UNC5A: variants seen among roughly 807,000 people sequenced by gnomAD.
The protein encoded by UNC5A is netrin receptor UNC5A.
UNC5A carries 20 observed loss-of-function variants against 87.4 expected under a neutral mutation model. The observed-to-expected ratio is 0.23, with a 90% CI of 0.16 to 0.33. The LOEUF is 0.33. Ranked by LOEUF, UNC5A falls within the 10% of genes least tolerant of loss-of-function variation. The pLI is 1.00. For synonymous variants in UNC5A, 438 were observed against 482.3 expected, an observed-to-expected ratio of 0.91 and a Z score of 1.20; for missense variants, 844 against 1,133.4, an observed-to-expected ratio of 0.74 and a Z score of 3.67.
chr5:176,859,112 A>C (rs1757756398), intron 1 of UNC5A, among the ~76,000 whole-genome samples: 1 of 119,220 alleles, frequency 8.4e-6, no homozygotes, highest in Non-Finnish European at 1.8e-5. Flanking sequence ...TGTCCTTGCT[A>C]GAGGGCATGG....
intron 2 of UNC5A, among the ~76,000 whole-genome samples, chr5:176,863,554 AC>A (rs1757893278): frequency 6.6e-6 from 1 of 151,928 alleles, no homozygotes; most frequent in Non-Finnish European, 1.5e-5. Flanking sequence ...CAGCGAGCAG[AC>A]CCAGGAAGCA....
chr5:176,814,832 C>A (rs545002651), intron 1 of UNC5A, among the ~76,000 whole-genome samples: 2 of 152,334 alleles, frequency 1.3e-5, no homozygotes, highest in African/African-American at 4.8e-5. Context: ...AGTTTGGGCT[C>A]TCTTTGCAGG....
rs912200513 is a variant in UNC5A at position 176,879,333 on chromosome 5, G to A, written c.2208G>A (p.Leu736=). The A allele has an allele frequency of 1.2e-6, 2 of 1,608,252 alleles. No homozygotes were observed. Among genetic ancestry groups the A allele is most frequent in the African/African-American group, 1.3e-5 (1 of 74,678 alleles). ...ITKDTRFAEL[L]ALESEAGVPA... is the part of the protein sequence containing the mutation. Reference sequence around the variant, plus strand: ...AGGACACAAGGTTTGCTGAGCTGCTGGCTCTGGAGAGTGAAGCGGGGGTCC... The same window carrying A: ...AGGACACAAGGTTTGCTGAGCTGCTAGCTCTGGAGAGTGAAGCGGGGGTCC... Residue 736 remains leucine, a synonymous_variant, in exon 14 of 15, where the codon CTG becomes CTA. Transcript: ENST00000329542.
At chr5:176,863,807 CCCTCCTCCCCCTCCT>C (rs1270396799) in intron 2 of UNC5A, among the ~76,000 whole-genome samples, 1 of 6,664 alleles carries the variant, frequency 1.5e-4, no homozygotes, top group African/African-American at 3.9e-4. Context: ...TCCCTCCTTC[CCCTCCTCCCCCTCCT>C]CCTCCTCCCC....
At position 176,870,628 on chromosome 5, in the gene UNC5A, C is replaced by A. The variant is rs10072659; in HGVS notation, c.886+94C>A. On this transcript the variant is annotated intron_variant, in intron 6 of 14. Coordinates refer to ENST00000329542, the MANE Select transcript of UNC5A (RefSeq NM_133369.3). ...GGGGGCTGAGGGAGCTATTCTCCTGCCAAAGGCTGTAGCCTCTCCAGGCTC... is the reference window on the plus strand; with the variant it reads ...GGGGGCTGAGGGAGCTATTCTCCTGACAAAGGCTGTAGCCTCTCCAGGCTC... 9.0e-3 allele frequency: 12,473 copies of A among 1,383,974 alleles called. 906 individuals carry two copies. The African/African-American group carries it at 0.16, about 18-fold the overall frequency. 85.7% of individuals were successfully genotyped at this position (1,383,974 alleles called of 1,614,324 possible).
At chr5:176,847,061 C>G (rs964320822) in intron 1 of UNC5A, among the ~76,000 whole-genome samples, 1 of 152,148 alleles carries the variant, frequency 6.6e-6, no homozygotes, top group Non-Finnish European at 1.5e-5. Flanking sequence ...CCATCCCCCT[C>G]TCATTCCATT....
At chr5:176,822,637 A>T (rs1756754736) in intron 1 of UNC5A, among the ~76,000 whole-genome samples, 1 of 152,226 alleles carries the variant, frequency 6.6e-6, no homozygotes, top group Non-Finnish European at 1.5e-5. Context: ...GACAGGCCCA[A>T]CAAGGACAGC....
Position 176,865,409 on chromosome 5 carries a change from G to A in UNC5A, c.292+2564G>A, listed in dbSNP as rs533884176. Reference sequence around the variant, plus strand: ...GCAGGCCCGGGCCGGCACACACACCGGGAGCCCCTGGCCCACACTCCCCAG... The same window carrying A: ...GCAGGCCCGGGCCGGCACACACACCAGGAGCCCCTGGCCCACACTCCCCAG... On this transcript the variant is annotated intron_variant, in intron 2 of 14. Coordinates refer to ENST00000329542, the MANE Select transcript of UNC5A (RefSeq NM_133369.3). This position sits in a 1 kb window ranked among gnomAD's most constrained non-coding sequence, Gnocchi z 5.3. The A allele has an allele frequency of 1.3e-3, 473 of 353,368 alleles. No homozygotes were observed. The highest frequency in any genetic ancestry group is 7.7e-3 in the African/African-American group (360 of 46,578). 21.9% of individuals were successfully genotyped at this position (353,368 alleles called of 1,614,324 possible). A position where few individuals can be genotyped will look rare whatever the true frequency, so the allele number is the denominator to read the frequency against.
intron 13 of UNC5A, 49 bp from the exon 14 acceptor site, chr5:176,879,261 C>T (rs745421068): frequency 2.6e-5 from 40 of 1,524,116 alleles, no homozygotes; most frequent in East Asian, 1.4e-4. Flanking sequence ...GCGGTGGACC[C>T]GGGCCTGGGG....
chr5:176,815,096 C>T (rs1052990393), intron 1 of UNC5A, among the ~76,000 whole-genome samples: 2 of 152,166 alleles, frequency 1.3e-5, no homozygotes, highest in African/African-American at 2.4e-5. Context: ...GTTGTATGCC[C>T]ATGTCTGTTG....
rs752251487 is a variant in UNC5A at position 176,879,835 on chromosome 5, A to G, written c.2478A>G (p.Gly826=). The G allele has an allele frequency of 6.2e-7, 1 of 1,612,150 alleles. No individual in the cohort carries two copies. ...GCCAGCTGGCTGCAGCAGTGGCTGGACTGGGCCAGCCAGACGCTGGCCTCT... is the reference window on the plus strand; with the variant it reads ...GCCAGCTGGCTGCAGCAGTGGCTGGGCTGGGCCAGCCAGACGCTGGCCTCT... ...NLSQLAAAVA[G]LGQPDAGLFT... is the part of the protein sequence containing the mutation. Residue 826 remains glycine, a synonymous_variant, in exon 15 of 15, where the codon GGA becomes GGG. Coordinates refer to ENST00000329542, the MANE Select transcript of UNC5A (RefSeq NM_133369.3).
intron 1 of UNC5A, among the ~76,000 whole-genome samples, chr5:176,813,706 C>G (rs1756523647): frequency 6.6e-6 from 1 of 152,224 alleles, no homozygotes; most frequent in Admixed American, 6.5e-5. Context: ...TGGCCTCAGC[C>G]AAGGGCCAGA....
At chr5:176,855,638 G>A (rs1757649092) in intron 1 of UNC5A, among the ~76,000 whole-genome samples, 1 of 152,224 alleles carries the variant, frequency 6.6e-6, no homozygotes, top group Admixed American at 6.5e-5. Flanking sequence ...CCCTAGAGGC[G>A]AGGCCAGCAG....
In UNC5A at chr5:176,855,936, C is replaced by T. The variant is rs1054532581; in HGVS notation, c.71-6688C>T. On this transcript the variant is annotated intron_variant, in intron 1 of 14. Transcript: ENST00000329542. ...GGAAGGGGCTGCCACCCTGGCCCCTCGCTGTGTTCCTCAACCGCGCCGTGT... is the reference window on the plus strand; with the variant it reads ...GGAAGGGGCTGCCACCCTGGCCCCTTGCTGTGTTCCTCAACCGCGCCGTGT... Among the ~76,000 whole-genome samples, 185 of 152,162 alleles carry T rather than the reference C, an allele frequency of 1.2e-3. 2 individuals carry two copies. Among genetic ancestry groups the T allele is most frequent in the Non-Finnish European group, 3.5e-4 (24 of 68,014 alleles).
intron 1 of UNC5A, among the ~76,000 whole-genome samples, chr5:176,856,486 A>T (rs1757670283): frequency 1.3e-5 from 2 of 151,592 alleles, no homozygotes; most frequent in African/African-American, 4.8e-5. Context: ...CTCCATCAGC[A>T]TCCTGGTGAG....
At chr5:176,836,549 A>T (rs691268) in intron 1 of UNC5A, among the ~76,000 whole-genome samples, 9 of 151,896 alleles carry the variant, frequency 5.9e-5, no homozygotes, top group Admixed American at 3.3e-4. Flanking sequence ...GGTTATGGAA[A>T]GAGTTGCGAT....
rs73340087 is a variant in UNC5A at position 176,839,797 on chromosome 5, C to T, written c.71-22827C>T. Among the ~76,000 whole-genome samples the T allele has an allele frequency of 3.1e-3, 460 of 149,840 alleles. 2 individuals carry two copies. Among genetic ancestry groups the T allele is most frequent in the African/African-American group, 0.01 (415 of 40,690 alleles). On this transcript the variant is annotated intron_variant, in intron 1 of 14. Transcript: ENST00000329542. ...GGACTCCTTTCCCACTGTGGCTTCACGGCCACTTCCTTTTTTTTTTTTTTT... is the reference window on the plus strand; with the variant it reads ...GGACTCCTTTCCCACTGTGGCTTCATGGCCACTTCCTTTTTTTTTTTTTTT...
rs1169657611 is a variant in UNC5A at position 176,872,551 on chromosome 5, C to A, written c.887-1417C>A. 5.6e-3 allele frequency among the ~76,000 whole-genome samples: 81 copies of A among 14,400 alleles called. 7 individuals are homozygous for A. The highest frequency in any genetic ancestry group is 0.025 in the African/African-American group (70 of 2,750). 9.4% of individuals were successfully genotyped at this position (14,400 alleles called of 152,430 possible). A position where few individuals can be genotyped will look rare whatever the true frequency, so the allele number is the denominator to read the frequency against. ...ACAGCTTCCCATCTGCCCACACTCG[C>A]CCAACACCACAGCTTCCCATCTGCC... On this transcript the variant is annotated intron_variant, in intron 6 of 14. Coordinates refer to ENST00000329542, the MANE Select transcript of UNC5A (RefSeq NM_133369.3).
chr5:176,829,237 ATGGATGGATGGATGGG>A lies in UNC5A; in HGVS notation c.70+18429_70+18444del, dbSNP rs1311698307. On this transcript the variant is annotated intron_variant, in intron 1 of 14. Coordinates refer to ENST00000329542, the MANE Select transcript of UNC5A (RefSeq NM_133369.3). Reference sequence around the variant, plus strand: ...GGATGGGTGGATGTATGAAAGATGGATGGATGGATGGATGGGTGGATGGATGGGTGGCTGGATGGAT... The same window carrying A: ...GGATGGGTGGATGTATGAAAGATGGATGGATGGATGGGTGGCTGGATGGAT... Among the ~76,000 whole-genome samples, 26 of 88,782 alleles carry A rather than the reference ATGGATGGATGGATGGG, an allele frequency of 2.9e-4. 1 individual carries two copies. Among genetic ancestry groups the A allele is most frequent in the Middle Eastern group, 0.01 (1 of 96 alleles). The allele number at this position is 88,782 out of a possible 152,430, so 58.2% of individuals were successfully genotyped here. A position where few individuals can be genotyped will look rare whatever the true frequency, so the allele number is the denominator to read the frequency against.
Sources: allele counts gnomAD v4.1 joint callset (sites outside exome capture counted in the v4.1 genomes callset), GRCh38; gene constraint gnomAD v4.1.1; non-coding constraint Gnocchi (gnomAD v3.1); transcripts MANE v1.5; gene names NCBI Gene and HGNC (gene_info 2026-07-23, HGNC 2026-07-21).